The following DGKK variants were observed in gnomAD, a reference collection of about 807,000 sequenced individuals.
DGKK encodes diacylglycerol kinase kappa, also known as 142 kDa diacylglycerol kinase.
In DGKK, 35 loss-of-function variants were observed where a neutral mutation model predicts 92.2. The observed-to-expected ratio is 0.38, with a 90% CI of 0.29 to 0.50. The LOEUF (loss-of-function observed/expected upper bound fraction) is 0.50, where lower values mean the gene tolerates loss of function less well. Ranked by LOEUF, DGKK falls within the 20% of genes least tolerant of loss-of-function variation. The pLI is 0.92. For synonymous variants in DGKK, 368 were observed against 360.6 expected (o/e 1.02, Z -0.23); for missense variants, 910 against 992.2 (o/e 0.92, Z 1.11).
chrX:50,458,121 C>T (rs1320528459), intron 1 of DGKK, among the ~76,000 whole-genome samples: 2 of 111,066 alleles, frequency 1.8e-5, no homozygotes, highest in Admixed American at 9.6e-5. Flanking sequence ...AAACAGGGAG[C>T]GCAAACACAC....
intron 4 of DGKK, among the ~76,000 whole-genome samples, chrX:50,410,256 G>A (rs1304280436): frequency 8.9e-6 from 1 of 112,115 alleles, no homozygotes; most frequent in East Asian, 2.8e-4. Context: ...GCTCAGAAAG[G>A]GAAAAGGAGA....
chrX:50,382,443 T>C (rs1924435495), intron 18 of DGKK, 53 bp downstream of exon 18: 3 of 860,976 alleles, frequency 3.5e-6, no homozygotes, highest in Admixed American at 5.2e-5. Context: ...GGAATACGTA[T>C]GTGTATTGTG....
intron 15 of DGKK, among the ~76,000 whole-genome samples, chrX:50,385,106 T>C (rs1349459028): frequency 2.7e-5 from 3 of 111,745 alleles, no homozygotes; most frequent in Non-Finnish European, 5.6e-5. Flanking sequence ...CTTTTTTCTC[T>C]CACCCAGTAC....
intron 18 of DGKK, among the ~76,000 whole-genome samples, chrX:50,381,069 T>C (rs1292683831): frequency 8.9e-6 from 1 of 111,824 alleles, no homozygotes; most frequent in African/African-American, 3.3e-5. Context: ...CATAAATAAA[T>C]AGAACAGAAG....
At chrX:50,425,358 T>TAA (rs200662307) in intron 1 of DGKK, among the ~76,000 whole-genome samples, 5 of 108,042 alleles carry the variant, frequency 4.6e-5, no homozygotes, top group African/African-American at 1.7e-4. Flanking sequence ...TCTTTTTTTT[T>TAA]AAAAAAAATT....
chrX:50,388,677 C>T, intron 12 of DGKK, 59 bp from the exon 13 acceptor site: 2 of 818,866 alleles, frequency 2.4e-6, no homozygotes, highest in Non-Finnish European at 3.5e-6. Context: ...AGTGTGCTGC[C>T]CATCCTCATC....
chrX:50,444,064 T>C (rs1301023531), intron 1 of DGKK, among the ~76,000 whole-genome samples: 1 of 111,329 alleles, frequency 9.0e-6, no homozygotes, highest in African/African-American at 3.3e-5. Flanking sequence ...CCATGGTTTT[T>C]ATAGCCTATG....
intron 1 of DGKK, among the ~76,000 whole-genome samples, chrX:50,427,823 C>T (rs1028514221): frequency 1.8e-5 from 2 of 110,051 alleles, no homozygotes; most frequent in Non-Finnish European, 3.8e-5. Context: ...AGGGAACTAC[C>T]TGCTATTTAG....
Position 50,468,282 on chromosome X carries a change from G to A in DGKK, c.645+1752C>T, listed in dbSNP as rs144507910. The stretch of plus-strand genomic sequence containing the variant: ...GGGAGATGCATTCTCTGGGTATTAC[G>A]TCCCCACGTGTCAGTTTCACAGCCA... On this transcript the variant is annotated intron_variant, in intron 1 of 27. Coordinates refer to ENST00000611977, the MANE Select transcript of DGKK (RefSeq NM_001013742.4). Among the ~76,000 whole-genome samples the A allele has an allele frequency of 5.1e-3, 572 of 111,641 alleles. 6 individuals carry two copies. The highest frequency in any genetic ancestry group is 0.017 in the African/African-American group (533 of 30,685).
At chrX:50,432,965 C>G (rs1255086503) in intron 1 of DGKK, among the ~76,000 whole-genome samples, 1 of 111,866 alleles carries the variant, frequency 8.9e-6, no homozygotes, top group East Asian at 2.8e-4. Flanking sequence ...TGAGCCCAGG[C>G]TGACAAAGTT....
intron 8 of DGKK, among the ~76,000 whole-genome samples, chrX:50,398,774 T>C (rs1392755061): frequency 3.6e-5 from 4 of 111,710 alleles, no homozygotes; most frequent in African/African-American, 1.3e-4. Flanking sequence ...TTGGGGTCAT[T>C]TGTGGCATGC....
At chrX:50,425,181 T>A (rs1464947124) in intron 1 of DGKK, among the ~76,000 whole-genome samples, 1 of 111,675 alleles carries the variant, frequency 9.0e-6, no homozygotes, top group Non-Finnish European at 1.9e-5. Flanking sequence ...GAGTTTAAAA[T>A]CACCACATCA....
At chrX:50,377,932 G>T (rs182551202) in intron 22 of DGKK, among the ~76,000 whole-genome samples, 166 bp downstream of exon 22, 47 of 111,135 alleles carry the variant, frequency 4.2e-4, no homozygotes, top group African/African-American at 1.4e-3. Context: ...CAGTGGGTCT[G>T]GTGTGGGGGC....
At chrX:50,454,141 A>T (rs1557232673) in intron 1 of DGKK, among the ~76,000 whole-genome samples, 1 of 111,182 alleles carries the variant, frequency 9.0e-6, no homozygotes, top group African/African-American at 3.3e-5. Flanking sequence ...TCTTTTACTC[A>T]TCACTGAACC....
chrX:50,369,291 A>G (rs927817168), intron 27 of DGKK, among the ~76,000 whole-genome samples: 4 of 110,977 alleles, frequency 3.6e-5, no homozygotes, highest in East Asian at 2.9e-4. Flanking sequence ...TTGTCTCCCA[A>G]TTGACAGACT....
intron 1 of DGKK, among the ~76,000 whole-genome samples, chrX:50,448,858 G>A (rs1263148109): frequency 3.6e-5 from 4 of 111,530 alleles, no homozygotes; most frequent in African/African-American, 1.3e-4. Flanking sequence ...GCCCCAGAGG[G>A]ACTGCAGGAA....
intron 18 of DGKK, among the ~76,000 whole-genome samples, chrX:50,382,035 A>C (rs1924426292): frequency 8.9e-6 from 1 of 111,762 alleles, no homozygotes; most frequent in Non-Finnish European, 1.9e-5. Flanking sequence ...GGTGCCATGC[A>C]GGCCAACACT....
At chrX:50,452,446 A>G (rs1173751956) in intron 1 of DGKK, among the ~76,000 whole-genome samples, 1 of 112,394 alleles carries the variant, frequency 8.9e-6, no homozygotes, top group African/African-American at 3.2e-5. Context: ...CTTCTACCTT[A>G]GAAAAATCTC....
intron 1 of DGKK, among the ~76,000 whole-genome samples, chrX:50,450,304 A>G (rs1926466539): frequency 8.9e-6 from 1 of 112,215 alleles, no homozygotes. Context: ...ACTTGACCAC[A>G]TCATACACTG....
Sources: gnomAD v4.1 joint callset for allele counts (sites outside exome capture counted in the v4.1 genomes callset) on GRCh38, gnomAD v4.1.1 for gene constraint, MANE v1.5 for transcripts, NCBI Gene and HGNC (gene_info 2026-07-23, HGNC 2026-07-21) for gene names.